Variants in GOT2 observed in about 807,000 individuals in gnomAD.
GOT2 encodes the protein aspartate aminotransferase, mitochondrial.
A neutral mutation model predicts 50.0 loss-of-function variants in GOT2; 17 were observed. The observed-to-expected ratio is 0.34, with a 90% CI of 0.23 to 0.51. The LOEUF (loss-of-function observed/expected upper bound fraction) is 0.51. Ranked by LOEUF, GOT2 falls within the 20% of genes least tolerant of loss-of-function variation. The pLI is 0.97. For missense variants in GOT2, 430 were observed against 559.6 expected, an observed-to-expected ratio of 0.77 and a Z score of 2.34; for synonymous variants, 172 against 204.9, an observed-to-expected ratio of 0.84 and a Z score of 1.37.
At chr16:58,709,316 C>T in intron 9 of GOT2, 101 bp downstream of exon 9, 1 of 1,009,986 alleles carries the variant, frequency 9.9e-7, no homozygotes, top group East Asian at 2.7e-5. Context: ...AACAAAAAAC[C>T]CGAAAACATT....
chr16:58,720,600 AT>A (rs1359061988), intron 3 of GOT2, among the ~76,000 whole-genome samples: 3 of 146,204 alleles, frequency 2.1e-5, no homozygotes, highest in African/African-American at 7.7e-5. Flanking sequence ...TTTTTTTGAG[AT>A]AGGTTCGTGC....
chr16:58,714,712 A>C (rs13334281), intron 8 of GOT2, among the ~76,000 whole-genome samples: 8,448 of 152,210 alleles, frequency 0.056, 488 homozygotes, highest in African/African-American at 0.15. Flanking sequence ...CTGTTTAAAA[A>C]AAAACAAAAA....
At chr16:58,731,504 C>T (rs1386515907) in intron 1 of GOT2, among the ~76,000 whole-genome samples, 2 of 152,120 alleles carry the variant, frequency 1.3e-5, no homozygotes, top group African/African-American at 2.4e-5. Flanking sequence ...TAAAGTCTCA[C>T]GAGACCTGCT....
At chr16:58,722,044 T>A (rs1386392401) in intron 3 of GOT2, 106 bp downstream of exon 3, 13 of 1,260,854 alleles carry the variant, frequency 1.0e-5, no homozygotes, top group Non-Finnish European at 1.3e-5. Flanking sequence ...CCTCCCAAAG[T>A]GGTGGGATTA....
At chr16:58,714,413 G>T (rs992521166) in intron 8 of GOT2, among the ~76,000 whole-genome samples, 2 of 151,780 alleles carry the variant, frequency 1.3e-5, no homozygotes, top group Non-Finnish European at 2.9e-5. Context: ...TTAGCCGGGC[G>T]TAGTGGCGGG....
chr16:58,711,259 T>C (rs761839294), intron 8 of GOT2, among the ~76,000 whole-genome samples: 10 of 152,184 alleles, frequency 6.6e-5, no homozygotes, highest in Non-Finnish European at 1.2e-4. Context: ...GTAAAACACA[T>C]AGGACACTGC....
In GOT2 at chr16:58,718,545, G is replaced by A. The variant is rs1192711527; in HGVS notation, c.579C>T (p.Gly193=). ...DPKTCGFDFT[G]AVEDISKIPE... ...CACTTACTGAAATATCCTCCACAGC[G>A]CCTGTGAAGTCAAAACCGCAAGTCT... The change falls in exon 5 of 10, where the codon GGC becomes GGT. Residue 193 remains glycine, a synonymous_variant. Transcript: ENST00000245206. 15 of 1,587,532 alleles carry A rather than the reference G, an allele frequency of 9.4e-6. No individual in the cohort carries two copies. Among genetic ancestry groups the A allele is most frequent in the South Asian group, 2.3e-5 (2 of 86,568 alleles).
At chr16:58,717,973 C>A (rs939214817) in intron 6 of GOT2, among the ~76,000 whole-genome samples, 1 of 152,248 alleles carries the variant, frequency 6.6e-6, no homozygotes, top group East Asian at 1.9e-4. Context: ...AGGCGTGAGC[C>A]ACCGCGCCCA....
chr16:58,719,997 T>A (rs1240902067), intron 3 of GOT2, among the ~76,000 whole-genome samples: 1 of 151,854 alleles, frequency 6.6e-6, no homozygotes, highest in African/African-American at 2.4e-5. Context: ...AGGTCAGGAG[T>A]TCGAGATCAG....
intron 8 of GOT2, among the ~76,000 whole-genome samples, chr16:58,714,473 A>C: frequency 2.7e-5 from 4 of 149,778 alleles, no homozygotes; most frequent in Admixed American, 6.7e-5. Context: ...AATGGCGTGA[A>C]CCCGGGAGGC....
At chr16:58,718,051 G>A (rs916445327) in intron 6 of GOT2, 145 bp downstream of exon 6, 8 of 719,648 alleles carry the variant, frequency 1.1e-5, no homozygotes, top group Non-Finnish European at 1.8e-5. Context: ...CGCAAATGGG[G>A]AGCCCTTTTC....
In GOT2 at chr16:58,707,720, C is replaced by A. The variant is rs1470344779; in HGVS notation, c.*451G>T. On this transcript the variant is annotated 3_prime_UTR_variant, in exon 10 of 10. Coordinates refer to ENST00000245206, the MANE Select transcript of GOT2 (RefSeq NM_002080.4). Reference sequence around the variant, plus strand: ...ATAAAACATCATTTCTGCAGTGCGGCCTGTTGATAAGGTTGTTCCAAGATG... The same window carrying A: ...ATAAAACATCATTTCTGCAGTGCGGACTGTTGATAAGGTTGTTCCAAGATG... 1 of 152,432 alleles carries A rather than the reference C, an allele frequency of 6.6e-6. No homozygotes were observed. The highest frequency in any genetic ancestry group is 1.5e-5 in the Non-Finnish European group (1 of 68,214). The allele number at this position is 152,432 out of a possible 1,614,324, so 9.4% of individuals were successfully genotyped here.
intron 1 of GOT2, among the ~76,000 whole-genome samples, chr16:58,732,710 C>T (rs2044845122): frequency 6.6e-6 from 1 of 152,180 alleles, no homozygotes; most frequent in Admixed American, 6.5e-5. Flanking sequence ...CTAACCCTGA[C>T]CCCAAGGGAT....
chr16:58,724,914 G>A (rs1173882593), intron 1 of GOT2, among the ~76,000 whole-genome samples: 2 of 152,100 alleles, frequency 1.3e-5, no homozygotes, highest in Non-Finnish European at 2.9e-5. Context: ...ATTCCATCTA[G>A]GACACCACAT....
In GOT2 at chr16:58,707,917, T is replaced by G. The variant is rs1398435496; in HGVS notation, c.*254A>C. 3.1e-6 allele frequency: 1 copy of G among 318,524 alleles called. No individual in the cohort carries two copies. The highest frequency in any genetic ancestry group is 2.2e-5 in the African/African-American group (1 of 46,468). 19.7% of individuals were successfully genotyped at this position (318,524 alleles called of 1,614,324 possible). A position where few individuals can be genotyped will look rare whatever the true frequency, so the allele number is the denominator to read the frequency against. On this transcript the variant is annotated 3_prime_UTR_variant, in exon 10 of 10. Transcript: ENST00000245206. The stretch of plus-strand genomic sequence containing the variant: ...CGATGACTTTCTTGCACATGTAAAC[T>G]CTTTGAGAAAAGTTGGAGAAAAAAG...
At chr16:58,709,317 C>A (rs78892526) in intron 9 of GOT2, 100 bp downstream of exon 9, 43 of 1,039,492 alleles carry the variant, frequency 4.1e-5, no homozygotes, top group Non-Finnish European at 5.5e-5. Flanking sequence ...ACAAAAAACC[C>A]GAAAACATTA....
At chr16:58,710,677 C>A (rs1336982120) in intron 8 of GOT2, among the ~76,000 whole-genome samples, 24 of 150,256 alleles carry the variant, frequency 1.6e-4, no homozygotes, top group Non-Finnish European at 2.8e-4. Context: ...GTCAGGAGAT[C>A]GAGACCATCC....
chr16:58,721,925 C>T (rs1047994200), intron 3 of GOT2: 3 of 373,586 alleles, frequency 8.0e-6, no homozygotes, highest in Non-Finnish European at 1.5e-5. Flanking sequence ...GGATTACAGG[C>T]ATGTGTCACC....
At chr16:58,722,054 A>C in intron 3 of GOT2, 96 bp downstream of exon 3, 1 of 1,356,448 alleles carries the variant, frequency 7.4e-7, no homozygotes, top group South Asian at 1.3e-5. Flanking sequence ...TGGTGGGATT[A>C]CAGGCGTGAG....
Sources: allele counts gnomAD v4.1 joint callset (sites outside exome capture counted in the v4.1 genomes callset), GRCh38; gene constraint gnomAD v4.1.1; transcripts MANE v1.5; gene names NCBI Gene and HGNC (gene_info 2026-07-23, HGNC 2026-07-21).